CFAP92: variants seen among roughly 807,000 people sequenced by gnomAD.
CFAP92 encodes the protein uncharacterized protein CFAP92.
Under a neutral mutation model 106.3 loss-of-function variants are expected in CFAP92, and 86 were observed. The observed-to-expected ratio is 0.81, with a 90% CI of 0.68 to 0.97. The LOEUF (loss-of-function observed/expected upper bound fraction) is 0.97, where lower values mean the gene tolerates loss of function less well. CFAP92 is among the 50% of genes least tolerant of loss of function. The pLI is 0.00. For missense variants in CFAP92, 1,204 were observed against 1,283.8 expected, an observed-to-expected ratio of 0.94 and a Z score of 0.95; for synonymous variants, 477 against 506.4, an observed-to-expected ratio of 0.94 and a Z score of 0.78.
intron 12 of CFAP92, among the ~76,000 whole-genome samples, chr3:128,923,233 G>T (rs115927774): frequency 1.2e-4 from 19 of 152,276 alleles, no homozygotes; most frequent in African/African-American, 4.6e-4. Flanking sequence ...AACCATGGAG[G>T]GGGTTCCCCC....
At chr3:128,951,799 T>C (rs1490330971) in intron 9 of CFAP92, among the ~76,000 whole-genome samples, 1 of 152,160 alleles carries the variant, frequency 6.6e-6, no homozygotes, top group Admixed American at 6.5e-5. Flanking sequence ...AAAGGCTACA[T>C]GGGAAGCCTG....
In CFAP92 at chr3:128,977,030, T is replaced by G; in HGVS notation, c.845A>C (p.Asn282Thr). The G allele has an allele frequency of 1.9e-6, 3 of 1,613,942 alleles. No individual in the cohort carries two copies. Among genetic ancestry groups the G allele is most frequent in the Non-Finnish European group, 2.5e-6 (3 of 1,179,856 alleles). Residue 282 changes from asparagine (N) to threonine (T), a missense_variant, in exon 6 of 16, where the codon AAC becomes ACC. Transcript: ENST00000645291. ...GAGGGACTTCTCATATTCCTCACTGTTCTTGGAAGAAGTTTCGGGCTCTGC... is the reference window on the plus strand; with the variant it reads ...GAGGGACTTCTCATATTCCTCACTGGTCTTGGAAGAAGTTTCGGGCTCTGC... ...HQAEPETSSK[N>T]SEEYEKSLKM...
At chr3:128,999,163 C>A (rs1032740294) in intron 1 of CFAP92, among the ~76,000 whole-genome samples, 1 of 152,200 alleles carries the variant, frequency 6.6e-6, no homozygotes, top group South Asian at 2.1e-4. Context: ...CACAGACACA[C>A]GCCCATCCCC....
chr3:128,922,183 CAA>C (rs372929834), intron 12 of CFAP92, among the ~76,000 whole-genome samples: 1 of 148,344 alleles, frequency 6.7e-6, no homozygotes, highest in African/African-American at 2.5e-5. Context: ...ACTAAAAATA[CAA>C]AAAAAAAATT....
chr3:128,994,122 T>A (rs1398103803), upstream of CFAP92: 1 of 985,648 alleles, frequency 1.0e-6, no homozygotes, highest in Admixed American at 6.1e-5. Flanking sequence ...GCCCAGCCAC[T>A]CAGCTACGTT....
chr3:128,964,551 G>A (rs1364634249), intron 9 of CFAP92, among the ~76,000 whole-genome samples: 109 of 152,238 alleles, frequency 7.2e-4, no homozygotes, highest in Middle Eastern at 6.8e-3. Context: ...CTAAACTCTT[G>A]AAGTAAATAA....
At chr3:128,979,469 T>A (rs1943375253) in intron 4 of CFAP92, among the ~76,000 whole-genome samples, 1 of 152,186 alleles carries the variant, frequency 6.6e-6, no homozygotes, top group Non-Finnish European at 1.5e-5. Context: ...GGATTATAAA[T>A]CATGCTGCTG....
intron 7 of CFAP92, among the ~76,000 whole-genome samples, chr3:128,974,458 A>G (rs1258040707): frequency 2.0e-5 from 3 of 152,214 alleles, no homozygotes; most frequent in African/African-American, 4.8e-5. Context: ...CAGTATGTGA[A>G]TAAGATTACA....
intron 1 of CFAP92, 33 bp from the exon 2 acceptor site, chr3:128,993,369 T>A: frequency 6.5e-7 from 1 of 1,546,342 alleles, no homozygotes; most frequent in Non-Finnish European, 8.7e-7. Context: ...TGTCCCCGCC[T>A]GTATTCCAGG....
At position 128,993,977 on chromosome 3, in the gene CFAP92, T is replaced by C; in HGVS notation, c.-33+3A>G. Reference sequence around the variant, plus strand: ...GGGGTTCCCCTCCAGGTGCTGGCGGTACCTGCGAGCGGATGCGCTGGGCGG... The same window carrying C: ...GGGGTTCCCCTCCAGGTGCTGGCGGCACCTGCGAGCGGATGCGCTGGGCGG... On this transcript the variant is annotated splice_donor_region_variant and intron_variant, in intron 1 of 15. Transcript: ENST00000645291. 1 of 987,304 alleles carries C rather than the reference T, an allele frequency of 1.0e-6. No homozygotes were observed. The highest frequency in any genetic ancestry group is 1.2e-6 in the Non-Finnish European group (1 of 831,032). The allele number at this position is 987,304 out of a possible 1,614,324, so 61.2% of individuals were successfully genotyped here.
rs1164810583 is a variant in CFAP92, at chr3:128,932,985, G to C, written c.2466C>G (p.Ile822Met). Residue 822 changes from isoleucine (I) to methionine (M), a missense_variant, in exon 12 of 16, where the codon ATC becomes ATG. Ile to Met is a conservative substitution (Grantham distance 10). Transcript: ENST00000645291. ...VFQALARIHD[I>M]CYNSTTLWDV... ...CCCAGAGGGTGGTGCTGTTATAGCA[G>C]ATGTCGTGGATCCTGGAACAAAGAA... The C allele has an allele frequency of 2.0e-6, 3 of 1,536,130 alleles. No individual in the cohort carries two copies. Among genetic ancestry groups the C allele is most frequent in the Non-Finnish European group, 8.7e-7 (1 of 1,146,900 alleles).
the CFAP92 span, among the ~76,000 whole-genome samples, chr3:129,022,068 G>C: frequency 6.6e-6 from 1 of 152,208 alleles, no homozygotes; most frequent in Non-Finnish European, 1.5e-5. Flanking sequence ...CTCACCGTGT[G>C]CTGGTGTCTA....
At chr3:129,015,219 C>T in the CFAP92 span, among the ~76,000 whole-genome samples, 1 of 152,128 alleles carries the variant, frequency 6.6e-6, no homozygotes, top group Admixed American at 6.5e-5. Context: ...CCTTCTCAGG[C>T]CCTTTGGGCA....
Position 128,945,623 on chromosome 3 carries a change from C to G in CFAP92, c.1706G>C (p.Ser569Thr). The change falls in exon 10 of 16, where the codon AGT (serine) becomes ACT (threonine). Residue 569 changes from serine (S) to threonine (T), a missense_variant. Ser to Thr is a moderately conservative substitution (Grantham distance 58). Transcript: ENST00000645291. The part of the protein sequence containing the change: ...MWYPYGIAQV[S>T]FADLLLGHKY... ...GTGGCCAAGGAGGAGGTCAGCAAAA[C>G]TGACCTGGGCGATGCCATAAGGGTA... 1 of 1,536,156 alleles carries G rather than the reference C, an allele frequency of 6.5e-7. No individual in the cohort carries two copies. Among genetic ancestry groups the G allele is most frequent in the South Asian group, 1.2e-5 (1 of 84,066 alleles).
chr3:128,977,913 AG>A lies in CFAP92; in HGVS notation c.808+131del, dbSNP rs35315165. On this transcript the variant is annotated intron_variant, in intron 5 of 15. Coordinates refer to ENST00000645291, the MANE Select transcript of CFAP92 (RefSeq NM_001394090.1). ...AGCAATACAGCCGTGTGGCAGGGTGAGCCCCGCCCGCCTCTGCTGCCAATAC... is the reference window on the plus strand; with the variant it reads ...AGCAATACAGCCGTGTGGCAGGGTGACCCCGCCCGCCTCTGCTGCCAATAC... 267 of 1,074,796 alleles carry A rather than the reference AG, an allele frequency of 2.5e-4. 1 individual carries two copies. The African/African-American group carries it at 3.7e-3, about 15-fold the overall frequency. 66.6% of individuals were successfully genotyped at this position (1,074,796 alleles called of 1,614,324 possible). A position where few individuals can be genotyped will look rare whatever the true frequency, so the allele number is the denominator to read the frequency against.
intron 15 of CFAP92, chr3:128,913,188 C>T: frequency 2.6e-6 from 1 of 391,066 alleles, no homozygotes; most frequent in Non-Finnish European, 5.1e-6. Context: ...TGAGAACCAC[C>T]CTTTGGTGAT....
intron 9 of CFAP92, among the ~76,000 whole-genome samples, chr3:128,959,595 A>T (rs1281536668): frequency 6.6e-6 from 1 of 152,224 alleles, no homozygotes; most frequent in Non-Finnish European, 1.5e-5. Flanking sequence ...CAGAATAAAC[A>T]GCAGTGCTGA....
At chr3:128,950,923 G>A (rs576569936) in intron 9 of CFAP92, among the ~76,000 whole-genome samples, 15 of 152,288 alleles carry the variant, frequency 9.8e-5, no homozygotes, top group East Asian at 9.6e-4. Flanking sequence ...GGAGTGCGGG[G>A]AACCCTCTCA....
At chr3:128,912,951 G>C (rs768864332) in intron 15 of CFAP92, 2 of 499,354 alleles carry the variant, frequency 4.0e-6, no homozygotes, top group South Asian at 1.5e-5. Context: ...GTGGGGACCT[G>C]TGTCAGGTGT....
Sources: gnomAD v4.1 joint callset for allele counts (sites outside exome capture counted in the v4.1 genomes callset) on GRCh38, gnomAD v4.1.1 for gene constraint, MANE v1.5 for transcripts, NCBI Gene and HGNC (gene_info 2026-07-23, HGNC 2026-07-21) for gene names.